Variants in LYPD6 observed in about 807,000 individuals in gnomAD.
LYPD6 encodes ly6/PLAUR domain-containing protein 6.
In LYPD6, 15 loss-of-function variants were observed where a neutral mutation model predicts 22.7. That is an observed-to-expected ratio of 0.66 (90% CI 0.44 to 1.02). The LOEUF (loss-of-function observed/expected upper bound fraction) is 1.02, where lower values mean the gene tolerates loss of function less well. Ranked by LOEUF, LYPD6 falls within the 50% of genes least tolerant of loss-of-function variation. LYPD6 has a pLI of 0.00. For synonymous variants in LYPD6, 72 were observed against 77.5 expected (o/e 0.93, Z 0.37); for missense variants, 189 against 208.4 (o/e 0.91, Z 0.57).
intron 1 of LYPD6, among the ~76,000 whole-genome samples, chr2:149,358,240 T>G (rs1281242016): frequency 6.6e-6 from 1 of 152,214 alleles, no homozygotes; most frequent in Non-Finnish European, 1.5e-5. Context: ...TGCTGTTTCT[T>G]CCTATTATAT....
chr2:149,468,561 G>A (rs1432004852), intron 3 of LYPD6, 84 bp from the exon 4 acceptor site: 2 of 1,472,056 alleles, frequency 1.4e-6, no homozygotes, highest in Admixed American at 1.8e-5. Flanking sequence ...TTTCTGGAAT[G>A]ATAATGCTGA....
At chr2:149,478,012 T>C (rs75398231), downstream of LYPD6, among the ~76,000 whole-genome samples, 824 of 152,320 alleles carry the variant, frequency 5.4e-3, 3 homozygotes, top group African/African-American at 0.019. Flanking sequence ...CTAAGGCTGC[T>C]TCTGTGATTA....
At chr2:149,343,180 C>A (rs1008128030) in intron 1 of LYPD6, among the ~76,000 whole-genome samples, 3 of 152,062 alleles carry the variant, frequency 2.0e-5, no homozygotes, top group African/African-American at 7.2e-5. Flanking sequence ...AGCTTCTGGG[C>A]AGTTCTGGCA....
At chr2:149,372,725 A>T (rs554202884) in intron 1 of LYPD6, among the ~76,000 whole-genome samples, 15 of 152,338 alleles carry the variant, frequency 9.8e-5, no homozygotes, top group Middle Eastern at 3.4e-3. Flanking sequence ...AAAGGCTAGG[A>T]TAGTAGATTC....
At chr2:149,358,519 G>T (rs184948820) in intron 1 of LYPD6, among the ~76,000 whole-genome samples, 86 of 152,280 alleles carry the variant, frequency 5.6e-4, no homozygotes, top group African/African-American at 2.0e-3. Flanking sequence ...TGTGAATCAA[G>T]TCCTAGAGCA....
At chr2:149,469,966 C>A (rs969621174) in intron 4 of LYPD6, among the ~76,000 whole-genome samples, 2 of 152,166 alleles carry the variant, frequency 1.3e-5, no homozygotes, top group Non-Finnish European at 2.9e-5. Context: ...ACCTGGGAAT[C>A]TTGTTAAAAT....
At chr2:149,341,111 T>G (rs1268748813) in intron 1 of LYPD6, among the ~76,000 whole-genome samples, 1 of 152,210 alleles carries the variant, frequency 6.6e-6, no homozygotes, top group Non-Finnish European at 1.5e-5. Context: ...GTTTTTCTTT[T>G]ATGTATAACT....
At chr2:149,478,758 C>T (rs1331508534), downstream of LYPD6, among the ~76,000 whole-genome samples, 1 of 152,020 alleles carries the variant, frequency 6.6e-6, no homozygotes, top group African/African-American at 2.4e-5. Context: ...CTAGGAAATG[C>T]CTCTTTTGAG....
intron 2 of LYPD6, among the ~76,000 whole-genome samples, chr2:149,442,299 G>T (rs913130045): frequency 2.0e-5 from 3 of 152,158 alleles, no homozygotes; most frequent in Non-Finnish European, 4.4e-5. Context: ...CTAGGCAAAA[G>T]TTCCAAGAGA....
intron 1 of LYPD6, among the ~76,000 whole-genome samples, chr2:149,358,672 A>T (rs1681514163): frequency 6.6e-6 from 1 of 151,046 alleles, no homozygotes; most frequent in Non-Finnish European, 1.5e-5. Context: ...ATATTTTCTA[A>T]ATATATATAT....
At chr2:149,439,718 G>A (rs1266036870) in intron 2 of LYPD6, among the ~76,000 whole-genome samples, 1 of 152,176 alleles carries the variant, frequency 6.6e-6, no homozygotes, top group African/African-American at 2.4e-5. Flanking sequence ...AGGTCTTGAA[G>A]GCTGAGCCTT....
intron 1 of LYPD6, among the ~76,000 whole-genome samples, chr2:149,339,035 AG>A (rs1165558631): frequency 6.6e-6 from 1 of 152,180 alleles, no homozygotes; most frequent in East Asian, 1.9e-4. Context: ...GTGAGGACTT[AG>A]GGGAAGTAGC....
intron 1 of LYPD6, among the ~76,000 whole-genome samples, chr2:149,401,287 T>C (rs142111305): frequency 3.3e-5 from 5 of 152,244 alleles, no homozygotes; most frequent in African/African-American, 4.8e-5. Flanking sequence ...TATGGAATTC[T>C]GGGAAGTGTA....
chr2:149,394,332 G>A (rs904373864), intron 1 of LYPD6, among the ~76,000 whole-genome samples: 5 of 152,052 alleles, frequency 3.3e-5, no homozygotes, highest in South Asian at 2.1e-4. Context: ...AGGTGATCAC[G>A]GACCTCTGAA....
chr2:149,421,358 C>T (rs1455128321), intron 1 of LYPD6, among the ~76,000 whole-genome samples: 1 of 147,514 alleles, frequency 6.8e-6, no homozygotes, highest in African/African-American at 2.5e-5. Context: ...CCACTGCACT[C>T]CAGCCTGGGT....
chr2:149,464,836 G>C (rs750812333), intron 3 of LYPD6, among the ~76,000 whole-genome samples: 13 of 152,196 alleles, frequency 8.5e-5, no homozygotes, highest in Non-Finnish European at 1.9e-4. Flanking sequence ...AGGGAGAAAA[G>C]TCTGAGCTGA....
chr2:149,352,626 G>A (rs1370928773), intron 1 of LYPD6, among the ~76,000 whole-genome samples: 1 of 152,162 alleles, frequency 6.6e-6, no homozygotes, highest in African/African-American at 2.4e-5. Flanking sequence ...TGTAAATGAA[G>A]TTTTGTTAGA....
rs1487124190 is a variant in LYPD6 at position 149,437,818 on chromosome 2, A to G, written c.110A>G (p.His37Arg). Reference sequence around the variant, plus strand: ...ACAGTGAAAGACATTATCTACCTCCATCCTTCAAGTAAGACTGTTCTCTTT... The same window carrying G: ...ACAGTGAAAGACATTATCTACCTCCGTCCTTCAAGTAAGACTGTTCTCTTT... Reference protein sequence around the residue: ...DFTVKDIIYLHPSTTPYPGGF... With the variant: ...DFTVKDIIYLRPSTTPYPGGF... The change falls in exon 2 of 5, where the codon CAT becomes CGT. Residue 37 changes from histidine (H) to arginine (R), a missense_variant. Transcript: ENST00000334166. 2 of 1,613,994 alleles carry G rather than the reference A, an allele frequency of 1.2e-6. No homozygotes were observed. Among genetic ancestry groups the G allele is most frequent in the Non-Finnish European group, 1.7e-6 (2 of 1,179,988 alleles).
intron 1 of LYPD6, among the ~76,000 whole-genome samples, chr2:149,398,212 T>C (rs1682467192): frequency 6.6e-6 from 1 of 152,272 alleles, no homozygotes; most frequent in Non-Finnish European, 1.5e-5. Flanking sequence ...CTGAAGTCTT[T>C]TAAAAAAGCA....
Sources: gnomAD v4.1 joint callset for allele counts (sites outside exome capture counted in the v4.1 genomes callset) on GRCh38, gnomAD v4.1.1 for gene constraint, MANE v1.5 for transcripts, NCBI Gene and HGNC (gene_info 2026-07-23, HGNC 2026-07-21) for gene names.